Variants in WDFY3 observed in about 807,000 individuals in gnomAD.
WDFY3 encodes the protein WD repeat and FYVE domain containing 3, also known as WD repeat and FYVE domain-containing protein 3.
Under a neutral mutation model 409.6 loss-of-function variants are expected in WDFY3, and 66 were observed. That is an observed-to-expected ratio of 0.16 (90% CI 0.13 to 0.20). The LOEUF is 0.20. WDFY3 is among the 10% of genes least tolerant of loss of function. WDFY3 has a pLI of 1.00. For missense variants in WDFY3, 3,031 were observed against 4,298.1 expected (o/e 0.71, Z 8.24); for synonymous variants, 1,521 against 1,537.1 (o/e 0.99, Z 0.25).
At chr4:84,706,932 T>C (rs531744611) in intron 53 of WDFY3, among the ~76,000 whole-genome samples, 3 of 151,704 alleles carry the variant, frequency 2.0e-5, no homozygotes, top group Admixed American at 2.0e-4. Context: ...TTATTTATTT[T>C]TACTTCTTTT....
chr4:84,849,855 C>T, intron 5 of WDFY3, 47 bp downstream of exon 5: 1 of 1,601,630 alleles, frequency 6.2e-7, no homozygotes, highest in East Asian at 2.3e-5. Context: ...TACAGAACTG[C>T]TTGTTCATTC....
At position 84,808,336 on chromosome 4, in the gene WDFY3, T is replaced by C. The variant is rs755738815; in HGVS notation, c.2427A>G (p.Lys809=). 2 of 1,613,448 alleles carry C rather than the reference T, an allele frequency of 1.2e-6. No individual in the cohort carries two copies. Among genetic ancestry groups the C allele is most frequent in the South Asian group, 1.1e-5 (1 of 91,052 alleles). ...GACTTCTCTTATATGATCAGTACCT[T>C]TTCCTGGACAAAGCTGGTGTACCCC... is the stretch of plus-strand genomic sequence containing the variant. ...SPWGTPALSR[K]RHAYHSVSTP... Residue 809 remains lysine, a splice_region_variant and synonymous_variant, in exon 15 of 68, where the codon AAA becomes AAG. Coordinates refer to ENST00000295888, the MANE Select transcript of WDFY3 (RefSeq NM_014991.6).
Position 84,702,420 on chromosome 4 carries a change from T to C in WDFY3, c.8529A>G (p.Val2843=). 3.7e-6 allele frequency: 6 copies of C among 1,613,816 alleles called. No individual in the cohort carries two copies. Among genetic ancestry groups the C allele is most frequent in the Non-Finnish European group, 5.1e-6 (6 of 1,179,950 alleles). Residue 2843 remains valine (V), a synonymous_variant, in exon 56 of 68, where the codon GTA becomes GTG. Coordinates refer to ENST00000295888, the MANE Select transcript of WDFY3 (RefSeq NM_014991.6). ...AAAAGAACTCTGGGATAAGTTCTTT[T>C]ACATCTGCCATATTGTGCTTTGACG... ...YSASKHNMAD[V]KELIPEFFYL...
Position 84,925,536 on chromosome 4 carries a change from A to C in WDFY3, c.-132+6734T>G, listed in dbSNP as rs547171381. On this transcript the variant is annotated intron_variant, in intron 2 of 67. Coordinates refer to ENST00000295888, the MANE Select transcript of WDFY3 (RefSeq NM_014991.6). Reference sequence around the variant, plus strand: ...AAGAGAAACAGGATAAGGGAAACTAATCTAGATTTTTTAAAGAATAAACAG... The same window carrying C: ...AAGAGAAACAGGATAAGGGAAACTACTCTAGATTTTTTAAAGAATAAACAG... 7.2e-5 allele frequency among the ~76,000 whole-genome samples: 11 copies of C among 152,362 alleles called. 1 individual carries two copies. In the South Asian group the frequency reaches 2.3e-3, roughly 32 times the overall value.
chr4:84,964,600 C>T (rs1775387098), intron 1 of WDFY3, among the ~76,000 whole-genome samples: 1 of 152,208 alleles, frequency 6.6e-6, no homozygotes, highest in African/African-American at 2.4e-5. Flanking sequence ...CTGTCATTTA[C>T]TTTTTCAAAA....
intron 5 of WDFY3, among the ~76,000 whole-genome samples, chr4:84,849,277 G>C (rs1758540606): frequency 6.6e-6 from 1 of 151,972 alleles, no homozygotes; most frequent in African/African-American, 2.4e-5. Context: ...ATGGTCTACT[G>C]GGAAGATCAA....
At chr4:84,929,672 G>A (rs990574572) in intron 2 of WDFY3, among the ~76,000 whole-genome samples, 3 of 152,146 alleles carry the variant, frequency 2.0e-5, no homozygotes, top group Non-Finnish European at 4.4e-5. Flanking sequence ...CACTTTGGGA[G>A]GCCAAGGCGG....
chr4:84,945,774 G>A (rs1259033200), intron 1 of WDFY3, among the ~76,000 whole-genome samples: 1 of 152,164 alleles, frequency 6.6e-6, no homozygotes, highest in Non-Finnish European at 1.5e-5. Context: ...TGCTTTCAAA[G>A]TTCTGCTTCT....
chr4:84,751,817 C>G (rs1380934758), intron 35 of WDFY3, 101 bp from the exon 36 acceptor site: 17 of 1,236,436 alleles, frequency 1.4e-5, no homozygotes, highest in Non-Finnish European at 2.0e-5. Flanking sequence ...CATTTTCCAC[C>G]TATTAAGCTA....
At chr4:84,686,309 A>G (rs1367819889) in intron 62 of WDFY3, among the ~76,000 whole-genome samples, 2 of 151,946 alleles carry the variant, frequency 1.3e-5, no homozygotes, top group Non-Finnish European at 2.9e-5. Flanking sequence ...CCATCTCAAA[A>G]TAAATAAATA....
chr4:84,946,062 G>A (rs1287712264), intron 1 of WDFY3, among the ~76,000 whole-genome samples: 1 of 152,098 alleles, frequency 6.6e-6, no homozygotes, highest in Non-Finnish European at 1.5e-5. Flanking sequence ...TGGCAGTGCC[G>A]TACACAGTGT....
In WDFY3 at chr4:84,837,110, A is replaced by G. The variant is rs201993321; in HGVS notation, c.415-20T>C. 2.0e-4 allele frequency: 298 copies of G among 1,484,952 alleles called. 3 individuals are homozygous for G. The African/African-American group carries it at 3.7e-3, about 18-fold the overall frequency. The allele number at this position is 1,484,952 out of a possible 1,614,324, so 92.0% of individuals were successfully genotyped here. A position where few individuals can be genotyped will look rare whatever the true frequency, so the allele number is the denominator to read the frequency against. ...GGTTTTCTGGAAAACAAGCCAATAA[A>G]TAAGTGAATAGATAGACACAACTAT... On this transcript the variant is annotated intron_variant, in intron 6 of 67. Coordinates refer to ENST00000295888, the MANE Select transcript of WDFY3 (RefSeq NM_014991.6).
chr4:84,777,717 T>C (rs1278764996), intron 27 of WDFY3, among the ~76,000 whole-genome samples: 2 of 151,982 alleles, frequency 1.3e-5, no homozygotes, highest in East Asian at 1.9e-4. Flanking sequence ...TTCGCAAATA[T>C]TAAGTGCTAG....
At chr4:84,961,805 G>C (rs1440120216) in intron 1 of WDFY3, among the ~76,000 whole-genome samples, 1 of 152,152 alleles carries the variant, frequency 6.6e-6, no homozygotes, top group African/African-American at 2.4e-5. Flanking sequence ...TGCTGATAAA[G>C]ATGTAAAGCA....
At chr4:84,801,608 C>T in intron 17 of WDFY3, 42 bp downstream of exon 17, 9 of 1,554,812 alleles carry the variant, frequency 5.8e-6, no homozygotes, top group Non-Finnish European at 7.9e-6. Flanking sequence ...TAGAAACTGA[C>T]ATTACTAATT....
chr4:84,786,483 G>T (rs1378898258), intron 23 of WDFY3, among the ~76,000 whole-genome samples: 7 of 152,132 alleles, frequency 4.6e-5, no homozygotes, highest in African/African-American at 1.7e-4. Context: ...ATAAAATGCT[G>T]ATCAGCCATG....
At position 84,801,747 on chromosome 4, in the gene WDFY3, T is replaced by A. The variant is rs1750606141; in HGVS notation, c.2725A>T (p.Ser909Cys). 1 of 1,613,894 alleles carries A rather than the reference T, an allele frequency of 6.2e-7. No individual in the cohort carries two copies. The highest frequency in any genetic ancestry group is 1.3e-5 in the African/African-American group (1 of 75,042). The change falls in exon 17 of 68, where the codon AGT becomes TGT. Residue 909 changes from serine (S) to cysteine (C), a missense_variant. Coordinates refer to ENST00000295888, the MANE Select transcript of WDFY3 (RefSeq NM_014991.6). The part of the protein sequence containing the change: ...GLHARLLQRC[S>C]AALADEDHSL... ...TGGTCCTCATCAGCCAATGCAGCAC[T>A]GCACCTCTGCAGCAGTCGTGCATGA...
At position 84,684,798 on chromosome 4, in the gene WDFY3, AC is replaced by A. The variant is rs977295440; in HGVS notation, c.9544-674del. Among the ~76,000 whole-genome samples the A allele has an allele frequency of 5.9e-5, 9 of 152,286 alleles. No homozygotes were observed. In the East Asian group the frequency reaches 1.4e-3, roughly 23 times the overall value. On this transcript the variant is annotated intron_variant, in intron 62 of 67. Coordinates refer to ENST00000295888, the MANE Select transcript of WDFY3 (RefSeq NM_014991.6). ...TGAGATCCAAAGATAGAAAAGAACA[AC>A]CTATTTTCTTAAATTCTACCAGGCT...
intron 40 of WDFY3, 30 bp downstream of exon 40, chr4:84,738,980 T>C (rs1460969644): frequency 3.7e-6 from 6 of 1,609,926 alleles, no homozygotes; most frequent in Middle Eastern, 1.6e-4. Flanking sequence ...ACAACCACAA[T>C]TTAAAAACAT....
Sources: gnomAD v4.1 joint callset for allele counts (sites outside exome capture counted in the v4.1 genomes callset) on GRCh38, gnomAD v4.1.1 for gene constraint, MANE v1.5 for transcripts, NCBI Gene and HGNC (gene_info 2026-07-23, HGNC 2026-07-21) for gene names.